Variants in GPRIN2 observed in about 807,000 individuals in gnomAD.
GPRIN2 encodes the protein G protein regulated inducer of neurite outgrowth 2.
Under a neutral mutation model 0.3 loss-of-function variants are expected in GPRIN2, and 1 was observed. The observed-to-expected ratio is 3.90, with a 90% CI of 1.39 to 18.51. The LOEUF (loss-of-function observed/expected upper bound fraction) is 18.51. Among genes scored for constraint, GPRIN2 ranks in the 30% most tolerant of loss-of-function variants. GPRIN2 has a pLI of 0.11. For missense variants in GPRIN2, 880 were observed against 604.2 expected (o/e 1.46, Z -4.79); for synonymous variants, 361 against 258.6 (o/e 1.40, Z -3.80).
Position 46,549,975 on chromosome 10 carries a change from C to T in GPRIN2, c.762G>A (p.Gly254=), listed in dbSNP as rs1832532772. 14,609 of 1,605,100 alleles carry T rather than the reference C, an allele frequency of 9.1e-3. 2 individuals carry two copies. In the African/African-American group the frequency reaches 0.18, roughly 20 times the overall value. The part of the protein sequence containing the change: ...GGCCHALPAT[G]ILAFPKLVAS... ...CCACTAGTTTGGGAAAGGCCAGGAT[C>T]CCTGTGGCAGGTAGGGCATGGCAGC... Residue 254 remains glycine (G), a synonymous_variant, in exon 3 of 3, where the codon GGG becomes GGA. Coordinates refer to ENST00000374314, the MANE Select transcript of GPRIN2 (RefSeq NM_001385282.1).
rs1267249932 is a variant in GPRIN2 at position 46,556,486 on chromosome 10, C to CCGGCCTCT, written c.-118+11_-118+12insAGAGGCCG. Among the ~76,000 whole-genome samples, 401 of 151,984 alleles carry CCGGCCTCT rather than the reference C, an allele frequency of 2.6e-3. No homozygotes were observed. Among genetic ancestry groups the CCGGCCTCT allele is most frequent in the African/African-American group, 9.4e-3 (387 of 41,222 alleles). On this transcript the variant is annotated intron_variant, in intron 1 of 2. Coordinates refer to ENST00000374314, the MANE Select transcript of GPRIN2 (RefSeq NM_001385282.1). Reference sequence around the variant, plus strand: ...CCCGCCCCAACGGGAGCGCGCGGAGCCAGCCTCTCACCCTCTCGCCCGCCG... The same window carrying CCGGCCTCT: ...CCCGCCCCAACGGGAGCGCGCGGAGCCGGCCTCTCAGCCTCTCACCCTCTCGCCCGCCG...
In GPRIN2 at chr10:46,542,434, G is replaced by A. The variant is rs1210067074; in HGVS notation, c.*6926C>T. On this transcript the variant is annotated 3_prime_UTR_variant, in exon 3 of 3. Transcript: ENST00000374314. Reference sequence around the variant, plus strand: ...GTTCCCCCATGCTGTTCTTGTGATAGTAAGTTCTCACGAGATCTGATGGTT... The same window carrying A: ...GTTCCCCCATGCTGTTCTTGTGATAATAAGTTCTCACGAGATCTGATGGTT... Among the ~76,000 whole-genome samples the A allele has an allele frequency of 6.6e-6, 1 of 152,312 alleles. No homozygotes were observed. The highest frequency in any genetic ancestry group is 1.5e-5 in the Non-Finnish European group (1 of 68,058).
intron 2 of GPRIN2, 126 bp downstream of exon 2, chr10:46,554,459 C>T (rs1246774716): frequency 6.5e-6 from 1 of 152,818 alleles, no homozygotes; most frequent in African/African-American, 2.4e-5. Context: ...CACACCCACC[C>T]TGCCTTTATA....
rs1832319723 is a variant in GPRIN2 at position 46,550,573 on chromosome 10, G to A, written c.164C>T (p.Ala55Val). 17 of 1,585,160 alleles carry A rather than the reference G, an allele frequency of 1.1e-5. No individual in the cohort carries two copies. The African/African-American group carries it at 2.1e-4, about 20-fold the overall frequency. ...STVWQAQLGE[A>V]STRPQAPEEE... ...CTCCGGGGCCTGGGGTCTGGTGCTGGCCTCGCCCAGCTGGGCCTGCCACAC... is the reference window on the plus strand; with the variant it reads ...CTCCGGGGCCTGGGGTCTGGTGCTGACCTCGCCCAGCTGGGCCTGCCACAC... Residue 55 changes from alanine (A) to valine (V), a missense_variant, in exon 3 of 3, where the codon GCC becomes GTC. Ala to Val is a moderately conservative substitution (Grantham distance 64, BLOSUM62 0). Coordinates refer to ENST00000374314, the MANE Select transcript of GPRIN2 (RefSeq NM_001385282.1).
At chr10:46,556,707 C>T (rs1843280396), upstream of GPRIN2, among the ~76,000 whole-genome samples, 1 of 152,070 alleles carries the variant, frequency 6.6e-6, no homozygotes, top group Non-Finnish European at 1.5e-5. Context: ...GGAGGGGCGG[C>T]GGGCGGAGAC....
At position 46,545,451 on chromosome 10, in the gene GPRIN2, C is replaced by T. The variant is rs1302847633; in HGVS notation, c.*3909G>A. 1.3e-5 allele frequency among the ~76,000 whole-genome samples: 2 copies of T among 152,310 alleles called. No homozygotes were observed. The highest frequency in any genetic ancestry group is 2.9e-5 in the Non-Finnish European group (2 of 68,058). On this transcript the variant is annotated 3_prime_UTR_variant, in exon 3 of 3. Coordinates refer to ENST00000374314, the MANE Select transcript of GPRIN2 (RefSeq NM_001385282.1). ...TGCCTTCTGCCCCTCCCTTAACTTG[C>T]TCTCCCCTCCCTAATAACTCCAGCA...
At chr10:46,550,926 C>A (rs1189383352) in intron 2 of GPRIN2, among the ~76,000 whole-genome samples, 184 bp from the exon 3 acceptor site, 2 of 152,310 alleles carry the variant, frequency 1.3e-5, no homozygotes, top group Admixed American at 6.5e-5. Context: ...AAATCAAGGT[C>A]ATCTCACATT....
Position 46,550,008 on chromosome 10 carries a change from A to ACC in GPRIN2, c.728_729insGG (p.Gly244ValfsTer19). 8.8e-7 allele frequency: 1 copy of ACC among 1,135,364 alleles called. No individual in the cohort carries two copies. Among genetic ancestry groups the ACC allele is most frequent in the Non-Finnish European group, 1.3e-6 (1 of 765,988 alleles). 70.3% of individuals were successfully genotyped at this position (1,135,364 alleles called of 1,614,324 possible). Reference sequence around the variant, plus strand: ...CAGGTAGGGCATGGCAGCAGCCACCAGCCCTCACCTCCCTCATGCCACAGA... The same window carrying ACC: ...CAGGTAGGGCATGGCAGCAGCCACCACCGCCCTCACCTCCCTCATGCCACAGA... On this transcript the variant is annotated frameshift_variant, in exon 3 of 3. Transcript: ENST00000374314. LOFTEE classifies it low-confidence loss of function (END_TRUNC).
chr10:46,549,695 C>G lies in GPRIN2; in HGVS notation c.1042G>C (p.Val348Leu), dbSNP rs1832622915. The G allele has an allele frequency of 3.1e-6, 5 of 1,596,494 alleles. No individual in the cohort carries two copies. In the Admixed American group the frequency reaches 6.9e-5, roughly 22 times the overall value. Residue 348 changes from valine to leucine, a missense_variant, in exon 3 of 3, where the codon GTG becomes CTG. By Grantham distance (32) the Val-to-Leu change is conservative. Transcript: ENST00000374314. The part of the protein sequence containing the change: ...QAAPVAACKA[V>L]ATSPSLEAPA... ...GCTTCCAGGGACGGACTGGTGGCCACAGCCTTGCAGGCCGCCACTGGGGCC... is the reference window on the plus strand; with the variant it reads ...GCTTCCAGGGACGGACTGGTGGCCAGAGCCTTGCAGGCCGCCACTGGGGCC...
rs1168466764 is a variant in GPRIN2 at position 46,547,157 on chromosome 10, A to G, written c.*2203T>C. Among the ~76,000 whole-genome samples, 1 of 152,298 alleles carries G rather than the reference A, an allele frequency of 6.6e-6. No homozygotes were observed. The highest frequency in any genetic ancestry group is 1.5e-5 in the Non-Finnish European group (1 of 68,056). On this transcript the variant is annotated 3_prime_UTR_variant, in exon 3 of 3. Transcript: ENST00000374314. Reference sequence around the variant, plus strand: ...CACCCTCCTCTTGCTCAAACTGGAAACCTCAGCATCCTGAAATGCCTCCTC... The same window carrying G: ...CACCCTCCTCTTGCTCAAACTGGAAGCCTCAGCATCCTGAAATGCCTCCTC...
chr10:46,555,921 G>C lies in GPRIN2; in HGVS notation c.-118+577C>G, dbSNP rs1831872555. Among the ~76,000 whole-genome samples the C allele has an allele frequency of 4.9e-4, 75 of 152,416 alleles. No individual in the cohort carries two copies. In the South Asian group the frequency reaches 0.015, roughly 31 times the overall value. On this transcript the variant is annotated intron_variant, in intron 1 of 2. Coordinates refer to ENST00000374314, the MANE Select transcript of GPRIN2 (RefSeq NM_001385282.1). ...GCCAAGCACAGGCCGCCCCTGCTGC[G>C]GGGCCAAAGGCCTGAAAGCACCGCA... is the stretch of plus-strand genomic sequence containing the variant.
rs1250743933 is a variant in GPRIN2, at chr10:46,543,088, A to T, written c.*6272T>A. Among the ~76,000 whole-genome samples the T allele has an allele frequency of 2.0e-5, 3 of 152,306 alleles. No homozygotes were observed. Among genetic ancestry groups the T allele is most frequent in the Non-Finnish European group, 2.9e-5 (2 of 68,056 alleles). On this transcript the variant is annotated 3_prime_UTR_variant, in exon 3 of 3. Coordinates refer to ENST00000374314, the MANE Select transcript of GPRIN2 (RefSeq NM_001385282.1). ...AATGGAAACTTGGCACAGCAACCCC[A>T]GGGAGACCTCCCTCTGTAAGGAGAT...
intron 1 of GPRIN2, chr10:46,555,445 G>A (rs1831912729): frequency 2.9e-4 from 45 of 153,802 alleles, no homozygotes; most frequent in African/African-American, 1.1e-3. Context: ...GCACCCTCCA[G>A]GAGGTGGTTT....
Position 46,548,526 on chromosome 10 carries a change from T to G in GPRIN2, c.*834A>C, listed in dbSNP as rs930104625. On this transcript the variant is annotated 3_prime_UTR_variant, in exon 3 of 3. Transcript: ENST00000374314. ...CATTCTCCCCTTCCTCAGGCCAGCCTCTGACACAATGACCCTGGAAGCCTG... is the reference window on the plus strand; with the variant it reads ...CATTCTCCCCTTCCTCAGGCCAGCCGCTGACACAATGACCCTGGAAGCCTG... 9.8e-5 allele frequency among the ~76,000 whole-genome samples: 15 copies of G among 152,298 alleles called. No individual in the cohort carries two copies. Among genetic ancestry groups the G allele is most frequent in the Non-Finnish European group, 1.5e-5 (1 of 68,054 alleles).
At chr10:46,554,873 A>T (rs1160415130) in intron 1 of GPRIN2, among the ~76,000 whole-genome samples, 178 bp from the exon 2 acceptor site, 1 of 152,306 alleles carries the variant, frequency 6.6e-6, no homozygotes, top group African/African-American at 2.4e-5. Flanking sequence ...TGCCCAGGGG[A>T]CTACCAAGAC....
In GPRIN2 at chr10:46,546,341, C is replaced by G. The variant is rs1842159692; in HGVS notation, c.*3019G>C. Among the ~76,000 whole-genome samples the G allele has an allele frequency of 6.6e-6, 1 of 152,306 alleles. No homozygotes were observed. The highest frequency in any genetic ancestry group is 2.4e-5 in the African/African-American group (1 of 41,486). ...GGGCAGAAGCAGGGAGCCCCTGGAG[C>G]AGACAGAGGGGGGATTCCTGCTGAG... On this transcript the variant is annotated 3_prime_UTR_variant, in exon 3 of 3. Transcript: ENST00000374314.
In GPRIN2 at chr10:46,548,075, T is replaced by C. The variant is rs1842330231; in HGVS notation, c.*1285A>G. On this transcript the variant is annotated 3_prime_UTR_variant, in exon 3 of 3. Transcript: ENST00000374314. ...GAGGCTCCAGAAACAGGCCAGGTCG[T>C]GGGCCATGACCCCACACTAGCCCTC... 6.6e-6 allele frequency among the ~76,000 whole-genome samples: 1 copy of C among 152,308 alleles called. No homozygotes were observed. The highest frequency in any genetic ancestry group is 1.5e-5 in the Non-Finnish European group (1 of 68,056).
In GPRIN2 at chr10:46,543,489, T is replaced by A. The variant is rs1833030422; in HGVS notation, c.*5871A>T. Among the ~76,000 whole-genome samples the A allele has an allele frequency of 0.02, 2,970 of 150,660 alleles. No individual in the cohort carries two copies. The highest frequency in any genetic ancestry group is 0.07 in the African/African-American group (2,790 of 39,942). On this transcript the variant is annotated 3_prime_UTR_variant, in exon 3 of 3. Transcript: ENST00000374314. ...ACCAGCAGAGGTCCCCCGACTGTCC[T>A]TGGCTGTGTGCACACAGAGGTGCTG...
chr10:46,548,901 A>G lies in GPRIN2; in HGVS notation c.*459T>C, dbSNP rs1842404009. ...TGTGGCACACAGGAGGCCTCTGATA[A>G]CATCAGTCCCCTTCCCTAAAGACCT... is the stretch of plus-strand genomic sequence containing the variant. On this transcript the variant is annotated 3_prime_UTR_variant, in exon 3 of 3. Coordinates refer to ENST00000374314, the MANE Select transcript of GPRIN2 (RefSeq NM_001385282.1). The G allele has an allele frequency of 5.7e-6, 1 of 176,154 alleles. No individual in the cohort carries two copies. Among genetic ancestry groups the G allele is most frequent in the East Asian group, 1.6e-4 (1 of 6,422 alleles). The allele number at this position is 176,154 out of a possible 1,614,324, so 10.9% of individuals were successfully genotyped here.
Sources: allele counts gnomAD v4.1 joint callset (sites outside exome capture counted in the v4.1 genomes callset), GRCh38; gene constraint gnomAD v4.1.1; transcripts MANE v1.5; gene names NCBI Gene and HGNC (gene_info 2026-07-23, HGNC 2026-07-21).